SLC44A5: variants seen among roughly 807,000 people sequenced by gnomAD.
The protein encoded by SLC44A5 is choline transporter-like protein 5.
A neutral mutation model predicts 101.8 loss-of-function variants in SLC44A5; 57 were observed. That is an observed-to-expected ratio of 0.56 (90% confidence interval 0.45 to 0.70). The LOEUF is 0.70. Among genes scored for constraint, SLC44A5 ranks in the 30% least tolerant of loss-of-function variants. The pLI is 0.00. For synonymous variants in SLC44A5, 281 were observed against 290.9 expected (o/e 0.97, Z 0.35); for missense variants, 737 against 853.1 (o/e 0.86, Z 1.70).
chr1:75,276,682 G>T (rs1319031562), intron 5 of SLC44A5, among the ~76,000 whole-genome samples: 2 of 152,158 alleles, frequency 1.3e-5, no homozygotes, highest in Non-Finnish European at 2.9e-5. Context: ...AGTAATCTTA[G>T]TTCTTGTCTT....
chr1:75,466,398 T>C (rs1249774176), intron 2 of SLC44A5, among the ~76,000 whole-genome samples: 6 of 152,204 alleles, frequency 3.9e-5, no homozygotes, highest in Non-Finnish European at 8.8e-5. Flanking sequence ...GGCTCATGCC[T>C]GTAATCCCAG....
intron 5 of SLC44A5, among the ~76,000 whole-genome samples, chr1:75,283,230 G>T (rs1437006028): frequency 2.6e-5 from 4 of 151,534 alleles, no homozygotes; most frequent in African/African-American, 7.3e-5. Context: ...GTTTTGATTT[G>T]CATTACCCTG....
At chr1:75,663,282 T>C in the SLC44A5 span, among the ~76,000 whole-genome samples, 7 of 152,170 alleles carry the variant, frequency 4.6e-5, no homozygotes, top group Non-Finnish European at 7.4e-5. Flanking sequence ...ATGGGATTTA[T>C]GCCCTTATGA....
chr1:75,661,382 G>C, the SLC44A5 span, among the ~76,000 whole-genome samples: 2 of 36,682 alleles, frequency 5.5e-5, no homozygotes, highest in African/African-American at 2.2e-4. Context: ...TGAAACTACT[G>C]CAAGTAAAAA....
chr1:75,586,957 T>C (rs920358246), intron 1 of SLC44A5, among the ~76,000 whole-genome samples: 2 of 152,144 alleles, frequency 1.3e-5, no homozygotes, highest in African/African-American at 2.4e-5. Context: ...TAGACGTAGA[T>C]AGAGTTATCT....
chr1:75,633,448 G>T, the SLC44A5 span, among the ~76,000 whole-genome samples: 20 of 152,110 alleles, frequency 1.3e-4, no homozygotes, highest in African/African-American at 4.6e-4. Context: ...CCCTTGTAAA[G>T]TGGATTCCTA....
the SLC44A5 span, among the ~76,000 whole-genome samples, chr1:75,636,507 G>C: frequency 1.3e-5 from 2 of 152,090 alleles, no homozygotes; most frequent in Admixed American, 1.3e-4. Context: ...TCCTGATTTA[G>C]AATTCAGATA....
At chr1:75,507,604 A>T (rs963719526) in intron 2 of SLC44A5, among the ~76,000 whole-genome samples, 35 of 152,014 alleles carry the variant, frequency 2.3e-4, no homozygotes, top group African/African-American at 8.2e-4. Context: ...TCGATTTTTT[A>T]AATGGTTTCA....
chr1:75,426,617 C>A (rs991334668), intron 2 of SLC44A5, among the ~76,000 whole-genome samples: 2 of 152,142 alleles, frequency 1.3e-5, no homozygotes, highest in Admixed American at 6.5e-5. Context: ...ATCTGAATGC[C>A]CTTTCTAGAT....
At chr1:75,450,468 G>C (rs918434634) in intron 2 of SLC44A5, among the ~76,000 whole-genome samples, 7 of 152,204 alleles carry the variant, frequency 4.6e-5, no homozygotes, top group Non-Finnish European at 1.0e-4. Context: ...CCAGAGATTG[G>C]AGAACCTGCT....
In SLC44A5 at chr1:75,218,539, C is replaced by T; in HGVS notation, c.1480G>A (p.Asp494Asn). The change falls in exon 17 of 24, where the codon GAT becomes AAT. Residue 494 changes from aspartate (D) to asparagine (N), a missense_variant. Transcript: ENST00000370859. ...AAAAGTGGATATCGTGGGATGTCAT[C>T]AGGTTTTTTCATGGCCCAGTAATAA... ...ATYYWAMKKPDDIPRYPLFTA... is the reference protein window; with the variant it reads ...ATYYWAMKKPNDIPRYPLFTA... 1 of 1,613,782 alleles carries T rather than the reference C, an allele frequency of 6.2e-7. No individual in the cohort carries two copies. The highest frequency in any genetic ancestry group is 8.5e-7 in the Non-Finnish European group (1 of 1,179,752).
At chr1:75,358,970 C>T (rs1659282555) in intron 3 of SLC44A5, among the ~76,000 whole-genome samples, 1 of 152,034 alleles carries the variant, frequency 6.6e-6, no homozygotes, top group Non-Finnish European at 1.5e-5. Flanking sequence ...CACTGACCAA[C>T]AATTTCCCAT....
intron 1 of SLC44A5, among the ~76,000 whole-genome samples, chr1:75,572,545 T>G (rs1019332909): frequency 3.3e-5 from 5 of 152,230 alleles, no homozygotes; most frequent in African/African-American, 1.2e-4. Flanking sequence ...TATATTTATC[T>G]TGTCATTTTA....
At chr1:75,713,288 A>G in the SLC44A5 span, among the ~76,000 whole-genome samples, 1 of 152,196 alleles carries the variant, frequency 6.6e-6, no homozygotes, top group Admixed American at 6.5e-5. Flanking sequence ...CTTATTTCCT[A>G]TTTCATTGAG....
chr1:75,551,602 A>G (rs890625224), intron 1 of SLC44A5, among the ~76,000 whole-genome samples: 27 of 151,976 alleles, frequency 1.8e-4, no homozygotes, highest in African/African-American at 6.3e-4. Flanking sequence ...GTCAGAAGGG[A>G]TCAATTTGCC....
intron 5 of SLC44A5, among the ~76,000 whole-genome samples, chr1:75,280,148 TG>T (rs1652298735): frequency 0.019 from 1 of 54 alleles, no homozygotes; most frequent in African/African-American, 0.071. Context: ...ATATATATAT[TG>T]TATATATTAT....
chr1:75,672,091 C>A, the SLC44A5 span, among the ~76,000 whole-genome samples: 1 of 152,106 alleles, frequency 6.6e-6, no homozygotes. Context: ...ATCAGGTGAG[C>A]AATCATAGTG....
At chr1:75,316,453 G>C (rs2100936369) in intron 4 of SLC44A5, among the ~76,000 whole-genome samples, 1 of 152,270 alleles carries the variant, frequency 6.6e-6, no homozygotes, top group Admixed American at 6.5e-5. Flanking sequence ...TGCCACACTA[G>C]GTTAAAGAGC....
At chr1:75,435,753 TA>T (rs1664853356) in intron 2 of SLC44A5, among the ~76,000 whole-genome samples, 1 of 152,048 alleles carries the variant, frequency 6.6e-6, no homozygotes, top group Non-Finnish European at 1.5e-5. Context: ...GCTTACCTCA[TA>T]AAAAATAAAA....
Sources: allele counts gnomAD v4.1 joint callset (sites outside exome capture counted in the v4.1 genomes callset), GRCh38; gene constraint gnomAD v4.1.1; transcripts MANE v1.5; gene names NCBI Gene and HGNC (gene_info 2026-07-23, HGNC 2026-07-21).